The following UNC13C variants were observed in gnomAD, a reference collection of about 807,000 sequenced individuals.
UNC13C encodes protein unc-13 homolog C.
UNC13C carries 174 observed loss-of-function variants against 245.4 expected under a neutral mutation model. That is an observed-to-expected ratio of 0.71 (90% CI 0.63 to 0.80). The LOEUF (loss-of-function observed/expected upper bound fraction) is 0.80, where lower values mean the gene tolerates loss of function less well. Ranked by LOEUF, UNC13C falls within the 30% of genes least tolerant of loss-of-function variation. The probability of loss-of-function intolerance (pLI) is 0.00; values close to 1 mark genes in which losing one functional copy is unlikely to be tolerated. For missense variants in UNC13C, 2,829 were observed against 2,602.9 expected, an observed-to-expected ratio of 1.09 and a Z score of -1.89; for synonymous variants, 992 against 895.1, an observed-to-expected ratio of 1.11 and a Z score of -1.93.
chr15:54,357,664 G>A (rs1246623466), intron 17 of UNC13C, among the ~76,000 whole-genome samples: 1 of 151,964 alleles, frequency 6.6e-6, no homozygotes, highest in African/African-American at 2.4e-5. Flanking sequence ...ATATTAGGAG[G>A]TATAAACGTT....
chr15:54,336,684 T>G (rs922956049), intron 16 of UNC13C, among the ~76,000 whole-genome samples: 1 of 152,136 alleles, frequency 6.6e-6, no homozygotes, highest in Non-Finnish European at 1.5e-5. Flanking sequence ...GGATAACATT[T>G]TACATATTTA....
At chr15:54,602,604 A>T (rs1899499511) in intron 30 of UNC13C, among the ~76,000 whole-genome samples, 1 of 152,184 alleles carries the variant, frequency 6.6e-6, no homozygotes, top group Non-Finnish European at 1.5e-5. Flanking sequence ...TCTTATGTTT[A>T]AGTATTTTAA....
intron 19 of UNC13C, among the ~76,000 whole-genome samples, chr15:54,426,429 A>G (rs2040761129): frequency 6.6e-6 from 1 of 150,654 alleles, no homozygotes; most frequent in Non-Finnish European, 1.5e-5. Flanking sequence ...CTTTACAAGT[A>G]GTGCCCTCCA....
intron 2 of UNC13C, among the ~76,000 whole-genome samples, chr15:54,134,049 CGTGTGT>C (rs3082223): frequency 2.1e-4 from 31 of 149,560 alleles, no homozygotes; most frequent in Admixed American, 1.7e-3. Flanking sequence ...TACTGAGTTA[CGTGTGT>C]GTGTGTGTGT....
chr15:54,014,427 TAAA>T lies in UNC13C; in HGVS notation c.1526_1528del (p.Lys509del), dbSNP rs1266274749. ...GAATTTCAAATAAATCAGATTATGA[TAAA>T]ATCTCCTCACAGTTGCCAGAATCAG... is the stretch of plus-strand genomic sequence containing the variant. On this transcript the variant is annotated inframe_deletion, in exon 2 of 33. Coordinates refer to ENST00000260323, the MANE Select transcript of UNC13C (RefSeq NM_001080534.3). 1 of 1,613,774 alleles carries T rather than the reference TAAA, an allele frequency of 6.2e-7. No homozygotes were observed. The highest frequency in any genetic ancestry group is 8.5e-7 in the Non-Finnish European group (1 of 1,179,836).
At chr15:54,456,071 A>T (rs1039727384) in intron 19 of UNC13C, among the ~76,000 whole-genome samples, 1 of 152,122 alleles carries the variant, frequency 6.6e-6, no homozygotes, top group African/African-American at 2.4e-5. Flanking sequence ...ATCCAGTTTT[A>T]TTCTTCTACT....
chr15:54,124,263 C>T (rs1437423108), intron 2 of UNC13C, among the ~76,000 whole-genome samples: 4 of 152,266 alleles, frequency 2.6e-5, no homozygotes, highest in East Asian at 1.9e-4. Context: ...TTTATGACAT[C>T]GTACACGAGA....
chr15:54,264,506 A>T, intron 9 of UNC13C, 111 bp downstream of exon 9: 2 of 858,812 alleles, frequency 2.3e-6, no homozygotes, highest in Non-Finnish European at 3.6e-6. Context: ...TTTTTGAATC[A>T]TGTTAATATG....
In UNC13C at chr15:54,250,369, G is replaced by A; in HGVS notation, c.3373G>A (p.Gly1125Ser). ...EGLLWGIARQ[G>S]MKCLECGVKC... ...GCTCCTGTGGGGCATTGCAAGGCAA[G>A]GCATGAAGTGTCTGGAGTGTGGAGT... The change falls in exon 8 of 33, where the codon GGC becomes AGC. Residue 1125 changes from glycine (G) to serine (S), a missense_variant. Physicochemically the swap from Gly to Ser is moderately conservative, Grantham distance 56. Coordinates refer to ENST00000260323, the MANE Select transcript of UNC13C (RefSeq NM_001080534.3). The A allele has an allele frequency of 6.2e-7, 1 of 1,613,936 alleles. No homozygotes were observed. Among genetic ancestry groups the A allele is most frequent in the Non-Finnish European group, 8.5e-7 (1 of 1,179,876 alleles).
At chr15:54,515,873 T>C (rs1173789988) in intron 24 of UNC13C, among the ~76,000 whole-genome samples, 3 of 152,214 alleles carry the variant, frequency 2.0e-5, no homozygotes, top group Non-Finnish European at 4.4e-5. Context: ...AAGGATTGAC[T>C]CTTCTGTGTC....
chr15:54,112,049 C>T (rs1654704839), intron 2 of UNC13C, among the ~76,000 whole-genome samples: 2 of 152,118 alleles, frequency 1.3e-5, no homozygotes, highest in South Asian at 4.2e-4. Context: ...CTGCTTAAAG[C>T]CAGGGGCACA....
chr15:54,148,643 C>G (rs2032383106), intron 4 of UNC13C, among the ~76,000 whole-genome samples: 2 of 152,146 alleles, frequency 1.3e-5, no homozygotes, highest in Admixed American at 1.3e-4. Context: ...TTTCTCATTG[C>G]AGCAGTCTTA....
At chr15:54,533,524 A>G (rs1279191627) in intron 26 of UNC13C, among the ~76,000 whole-genome samples, 1 of 152,202 alleles carries the variant, frequency 6.6e-6, no homozygotes, top group Non-Finnish European at 1.5e-5. Context: ...GCCTGACCCA[A>G]CCTTCAATAA....
intron 17 of UNC13C, among the ~76,000 whole-genome samples, chr15:54,362,804 GA>G (rs940844927): frequency 3.9e-5 from 6 of 152,008 alleles, no homozygotes; most frequent in African/African-American, 1.4e-4. Flanking sequence ...AATGCTCTGA[GA>G]GAAAAAAAGG....
the UNC13C span, among the ~76,000 whole-genome samples, chr15:53,939,667 G>A: frequency 6.6e-6 from 1 of 152,182 alleles, no homozygotes; most frequent in South Asian, 2.1e-4. Flanking sequence ...TCCCTGGGAT[G>A]CAAGGTTGGT....
chr15:54,071,586 AT>A (rs1325703672), intron 2 of UNC13C, among the ~76,000 whole-genome samples: 2 of 152,162 alleles, frequency 1.3e-5, no homozygotes, highest in Non-Finnish European at 2.9e-5. Flanking sequence ...ACAATGGTCT[AT>A]GGGGCACATG....
chr15:54,013,540 T>G lies in UNC13C; in HGVS notation c.637T>G (p.Ser213Ala), dbSNP rs540330153. 4 of 1,613,864 alleles carry G rather than the reference T, an allele frequency of 2.5e-6. No individual in the cohort carries two copies. In the East Asian group the frequency reaches 8.9e-5, roughly 36 times the overall value. The change falls in exon 2 of 33, where the codon TCT becomes GCT. Residue 213 changes from serine to alanine, a missense_variant. Ser to Ala is a moderately conservative substitution (Grantham distance 99, BLOSUM62 1). Transcript: ENST00000260323. ...MKKSWGIRSK[S>A]LDRTVRNPKT... ...AAAATCCTGGGGAATAAGAAGTAAG[T>G]CTTTGGACAGAACTGTCCGAAACCC...
chr15:54,272,941 C>T (rs2036725381), intron 10 of UNC13C, among the ~76,000 whole-genome samples: 1 of 152,160 alleles, frequency 6.6e-6, no homozygotes, highest in Non-Finnish European at 1.5e-5. Context: ...AGAGCTATCA[C>T]TGTAATATTC....
At chr15:54,032,579 A>G (rs1178570115) in intron 2 of UNC13C, among the ~76,000 whole-genome samples, 1 of 152,212 alleles carries the variant, frequency 6.6e-6, no homozygotes, top group Non-Finnish European at 1.5e-5. Context: ...ATGTATATAT[A>G]TTGTGACATT....
Sources: allele counts gnomAD v4.1 joint callset (sites outside exome capture counted in the v4.1 genomes callset), GRCh38; gene constraint gnomAD v4.1.1; transcripts MANE v1.5; gene names NCBI Gene and HGNC (gene_info 2026-07-23, HGNC 2026-07-21).